Variants in EFCAB7 observed in about 807,000 individuals in gnomAD.
EFCAB7 encodes the protein EF-hand calcium binding domain 7, also known as EF-hand calcium-binding domain-containing protein 7.
Under a neutral mutation model 77.1 loss-of-function variants are expected in EFCAB7, and 66 were observed. The ratio of observed to expected loss-of-function variants is 0.86; its 90% CI spans 0.70 to 1.05. EFCAB7 has a LOEUF of 1.05. Among genes scored for constraint, EFCAB7 ranks in the 50% least tolerant of loss-of-function variants. The pLI is 0.00. For missense variants in EFCAB7, 638 were observed against 730.5 expected, an observed-to-expected ratio of 0.87 and a Z score of 1.46; for synonymous variants, 225 against 243.3, an observed-to-expected ratio of 0.92 and a Z score of 0.70.
At chr1:63,526,330 A>C (rs1222755333) in intron 2 of EFCAB7, among the ~76,000 whole-genome samples, 1 of 152,206 alleles carries the variant, frequency 6.6e-6, no homozygotes, top group Non-Finnish European at 1.5e-5. Flanking sequence ...AGGAGTATCA[A>C]ATGATTTGGA....
downstream of EFCAB7, among the ~76,000 whole-genome samples, chr1:63,574,512 CT>C (rs567229667): frequency 1.3e-5 from 2 of 152,044 alleles, no homozygotes; most frequent in Non-Finnish European, 1.5e-5. Context: ...ACACTAGCTG[CT>C]TTTTTTAGCT....
chr1:63,568,310 G>T lies in EFCAB7; in HGVS notation c.1498G>T (p.Ala500Ser), dbSNP rs1312671235. 16 of 1,594,450 alleles carry T rather than the reference G, an allele frequency of 1.0e-5. No individual in the cohort carries two copies. The highest frequency in any genetic ancestry group is 1.4e-5 in the Non-Finnish European group (16 of 1,173,100). ...GYNKALELTEACPFVIDIYAE... is the reference protein window; with the variant it reads ...GYNKALELTESCPFVIDIYAE... ...AAACAAGATTTTTTTTTCCTATCAG[G>T]CATGTCCATTTGTCATTGATATCTA... The change falls in exon 12 of 14, where the codon GCA becomes TCA. Residue 500 changes from alanine to serine, a missense_variant and splice_region_variant. By Grantham distance (99) the Ala-to-Ser change is moderately conservative. Coordinates refer to ENST00000371088, the MANE Select transcript of EFCAB7 (RefSeq NM_032437.4).
chr1:63,548,288 C>A (rs1230215826), intron 7 of EFCAB7: 2 of 152,156 alleles, frequency 1.3e-5, no homozygotes, highest in Admixed American at 6.6e-5. Flanking sequence ...GAAGAGGTTT[C>A]TTTTTGCCAT....
chr1:63,562,445 TTATTTATATATATATATATA>T lies in EFCAB7; in HGVS notation c.1497+592_1497+611del, dbSNP rs1241387612. 3.3e-3 allele frequency among the ~76,000 whole-genome samples: 232 copies of T among 71,068 alleles called. 6 individuals are homozygous for T. Among genetic ancestry groups the T allele is most frequent in the African/African-American group, 8.3e-3 (149 of 17,906 alleles). 46.6% of individuals were successfully genotyped at this position (71,068 alleles called of 152,430 possible). ...AATTTAAAAATTAGGCCTTCTTAATTTATTTATATATATATATATATATATATATATATATATATATATAT... is the reference window on the plus strand; with the variant it reads ...AATTTAAAAATTAGGCCTTCTTAATTTATATATATATATATATATATATAT... On this transcript the variant is annotated intron_variant, in intron 11 of 13. Transcript: ENST00000371088.
At chr1:63,574,002 GA>G (rs1647340986), downstream of EFCAB7, among the ~76,000 whole-genome samples, 1 of 152,194 alleles carries the variant, frequency 6.6e-6, no homozygotes, top group Non-Finnish European at 1.5e-5. Flanking sequence ...ATGTCTGACA[GA>G]AGCGAAGAAA....
In EFCAB7 at chr1:63,538,600, T is replaced by C. The variant is rs1646791537; in HGVS notation, c.804+4384T>C. Among the ~76,000 whole-genome samples, 3 of 152,028 alleles carry C rather than the reference T, an allele frequency of 2.0e-5. No individual in the cohort carries two copies. In the South Asian group the frequency reaches 6.2e-4, roughly 32 times the overall value. On this transcript the variant is annotated intron_variant, in intron 6 of 13. Coordinates refer to ENST00000371088, the MANE Select transcript of EFCAB7 (RefSeq NM_032437.4). ...TCCTGAGTAGCTGGGGCTACAGGTG[T>C]GCACCACCACGCTGGCTAATTTTTG...
At chr1:63,549,565 GAA>G in intron 7 of EFCAB7, 2 of 423,796 alleles carry the variant, frequency 4.7e-6, no homozygotes, top group Admixed American at 3.2e-5. Flanking sequence ...TATCAAAAAG[GAA>G]AAAAAAATGA....
chr1:63,561,741 A>G lies in EFCAB7; in HGVS notation c.1381A>G (p.Arg461Gly), dbSNP rs370773005. Residue 461 changes from arginine (R) to glycine (G), a missense_variant, in exon 11 of 14, where the codon AGA becomes GGA. Transcript: ENST00000371088. ...TGATACAAAGAGGAATGAACTAACA[A>G]GACAAGGATTTATGGATTTGAATCT... The part of the protein sequence containing the change: ...NFDTKRNELT[R>G]QGFMDLNLME... 14 of 1,605,240 alleles carry G rather than the reference A, an allele frequency of 8.7e-6. No homozygotes were observed. Among genetic ancestry groups the G allele is most frequent in the Non-Finnish European group, 1.1e-5 (13 of 1,175,382 alleles).
At chr1:63,584,631 A>C in the EFCAB7 span, among the ~76,000 whole-genome samples, 1 of 152,234 alleles carries the variant, frequency 6.6e-6, no homozygotes, top group Non-Finnish European at 1.5e-5. Flanking sequence ...CTCTTGAGAC[A>C]GCAAGACCAA....
downstream of EFCAB7, among the ~76,000 whole-genome samples, chr1:63,573,383 A>G (rs1045392334): frequency 6.6e-5 from 10 of 152,214 alleles, no homozygotes; most frequent in Non-Finnish European, 1.5e-4. Flanking sequence ...TTGAAAAACT[A>G]AACGGAATAA....
rs1309567662 is a variant in EFCAB7, at chr1:63,545,975, T to C, written c.864T>C (p.Ile288=). ...CFFLEEDGEI[I]SHQYRMQIAQ... ...TCTTAGAAGAAGATGGTGAAATCAT[T>C]AGTCATCAGTACAGGATGCAAATAG... The change falls in exon 7 of 14, where the codon ATT becomes ATC. Residue 288 remains isoleucine (I), a synonymous_variant. Transcript: ENST00000371088. The C allele has an allele frequency of 2.5e-6, 4 of 1,613,700 alleles. No individual in the cohort carries two copies. Among genetic ancestry groups the C allele is most frequent in the African/African-American group, 1.3e-5 (1 of 74,920 alleles).
chr1:63,526,623 T>C (rs1239123991), intron 2 of EFCAB7, among the ~76,000 whole-genome samples: 1 of 152,232 alleles, frequency 6.6e-6, no homozygotes, highest in Non-Finnish European at 1.5e-5. Flanking sequence ...GTAAAGTAGT[T>C]TAAATGCAAA....
chr1:63,533,308 A>T, intron 4 of EFCAB7, 146 bp from the exon 5 acceptor site: 1 of 599,596 alleles, frequency 1.7e-6, no homozygotes, highest in South Asian at 2.6e-5. Flanking sequence ...GGTCAATCTG[A>T]TTCAAAAAAA....
intron 8 of EFCAB7, among the ~76,000 whole-genome samples, chr1:63,553,299 A>G (rs1269720300): frequency 6.6e-6 from 1 of 152,148 alleles, no homozygotes; most frequent in Non-Finnish European, 1.5e-5. Context: ...TTCAAAGGTT[A>G]TGCTTTTCAA....
rs775832532 is a variant in EFCAB7, at chr1:63,571,018, TAGTC to T, written c.1708_1711del (p.Ser570MetfsTer4). ...AGCAGCTTATGAAATCTTTTTTTAA[TAGTC>T]AGATGAGAAAGTGATTATTCACATC... is the stretch of plus-strand genomic sequence containing the variant. On this transcript the variant is annotated splice_acceptor_variant and coding_sequence_variant, in exon 13 of 14. Coordinates refer to ENST00000371088, the MANE Select transcript of EFCAB7 (RefSeq NM_032437.4). LOFTEE classifies it high-confidence loss of function. The T allele has an allele frequency of 6.9e-6, 11 of 1,587,964 alleles. No homozygotes were observed. Among genetic ancestry groups the T allele is most frequent in the South Asian group, 1.2e-5 (1 of 86,716 alleles).
At chr1:63,577,879 G>A in the EFCAB7 span, among the ~76,000 whole-genome samples, 2 of 152,148 alleles carry the variant, frequency 1.3e-5, no homozygotes, top group African/African-American at 4.8e-5. Flanking sequence ...AAAATCTGTT[G>A]GAGGACTGAA....
chr1:63,571,966 A>C (rs1647275653), intron 13 of EFCAB7, among the ~76,000 whole-genome samples: 1 of 152,144 alleles, frequency 6.6e-6, no homozygotes, highest in Admixed American at 6.5e-5. Flanking sequence ...TGGGTTTCTG[A>C]TTTAGCCAGG....
chr1:63,564,847 C>G (rs947800212), intron 11 of EFCAB7, among the ~76,000 whole-genome samples: 3 of 152,204 alleles, frequency 2.0e-5, no homozygotes, highest in Non-Finnish European at 4.4e-5. Context: ...CAGCATGGTA[C>G]TGGTACAAGA....
At position 63,533,521 on chromosome 1, in the gene EFCAB7, A is replaced by G. The variant is rs562743016; in HGVS notation, c.554A>G (p.Asp185Gly). ...ACTACACTAGAAAAACTAGAGGTTG[A>G]CAGTAAATTGATGCGTCACCAGTTT... is the stretch of plus-strand genomic sequence containing the variant. Reference protein sequence around the residue: ...LKTTLEKLEVDSKLMRHQFGN... With the variant: ...LKTTLEKLEVGSKLMRHQFGN... Residue 185 changes from aspartate to glycine, a missense_variant, in exon 5 of 14, where the codon GAC (aspartate) becomes GGC (glycine). Asp to Gly is a moderately conservative substitution (Grantham distance 94). Coordinates refer to ENST00000371088, the MANE Select transcript of EFCAB7 (RefSeq NM_032437.4). The G allele has an allele frequency of 1.2e-6, 2 of 1,613,314 alleles. No homozygotes were observed. Among genetic ancestry groups the G allele is most frequent in the East Asian group, 2.2e-5 (1 of 44,846 alleles).
Sources: gnomAD v4.1 joint callset for allele counts (sites outside exome capture counted in the v4.1 genomes callset) on GRCh38, gnomAD v4.1.1 for gene constraint, MANE v1.5 for transcripts, NCBI Gene and HGNC (gene_info 2026-07-23, HGNC 2026-07-21) for gene names.